TNKS: variants seen among roughly 807,000 people sequenced by gnomAD.
TNKS encodes poly [ADP-ribose] polymerase tankyrase-1.
A neutral mutation model predicts 135.8 loss-of-function variants in TNKS; 72 were observed. That is an observed-to-expected ratio of 0.53 (90% CI 0.44 to 0.64). The LOEUF (loss-of-function observed/expected upper bound fraction) is 0.64. Among genes scored for constraint, TNKS ranks in the 30% least tolerant of loss-of-function variants. TNKS has a pLI of 0.00. For synonymous variants in TNKS, 849 were observed against 649.3 expected, an observed-to-expected ratio of 1.31 and a Z score of -4.68; for missense variants, 1,769 against 1,674.0, an observed-to-expected ratio of 1.06 and a Z score of -0.99.
intron 5 of TNKS, among the ~76,000 whole-genome samples, chr8:9,702,588 G>C (rs942776035): frequency 5.9e-5 from 9 of 152,214 alleles, no homozygotes; most frequent in African/African-American, 1.7e-4. Context: ...TAAAATGAGA[G>C]TGAAGAGTCC....
At position 9,776,781 on chromosome 8, in the gene TNKS, T is replaced by G; in HGVS notation, c.*45T>G. The G allele has an allele frequency of 6.4e-7, 1 of 1,555,496 alleles. No individual in the cohort carries two copies. The highest frequency in any genetic ancestry group is 2.2e-5 in the East Asian group (1 of 44,590). Reference sequence around the variant, plus strand: ...GCCAGATCAGATTTCAACCTGGGACTGGATTACAGAGGATTGTTTCTAATA... The same window carrying G: ...GCCAGATCAGATTTCAACCTGGGACGGGATTACAGAGGATTGTTTCTAATA... On this transcript the variant is annotated 3_prime_UTR_variant, in exon 27 of 27. Transcript: ENST00000310430.
At position 9,632,692 on chromosome 8, in the gene TNKS, C is replaced by A. The variant is rs576722781; in HGVS notation, c.994+17015C>A. ...TGAAACATTTGCTTGTTTTCTTTTACTTCTTTTACTTTTGGTTTAATGATG... is the reference window on the plus strand; with the variant it reads ...TGAAACATTTGCTTGTTTTCTTTTAATTCTTTTACTTTTGGTTTAATGATG... On this transcript the variant is annotated intron_variant, in intron 3 of 26. Transcript: ENST00000310430. Among the ~76,000 whole-genome samples, 2 of 152,202 alleles carry A rather than the reference C, an allele frequency of 1.3e-5. 1 individual carries two copies. The highest frequency in any genetic ancestry group is 3.9e-4 in the East Asian group (2 of 5,170).
chr8:9,769,675 A>T (rs1232360580), intron 25 of TNKS, among the ~76,000 whole-genome samples: 1 of 126,196 alleles, frequency 7.9e-6, no homozygotes, highest in African/African-American at 3.1e-5. Context: ...CCTGGAGTGC[A>T]GTGGCGCGAT....
At chr8:9,733,590 A>G (rs1359129051) in intron 15 of TNKS, 146 bp downstream of exon 15, 1 of 671,854 alleles carries the variant, frequency 1.5e-6, no homozygotes, top group Non-Finnish European at 2.5e-6. Flanking sequence ...AAGACCGTTT[A>G]TGTGATATGA....
chr8:9,753,000 C>G (rs1585418967), intron 20 of TNKS, among the ~76,000 whole-genome samples: 1 of 151,782 alleles, frequency 6.6e-6, no homozygotes, highest in Non-Finnish European at 1.5e-5. Flanking sequence ...TATTAATTGC[C>G]ACCCACCTCT....
intron 3 of TNKS, among the ~76,000 whole-genome samples, chr8:9,617,896 T>C (rs938258364): frequency 3.9e-5 from 6 of 152,204 alleles, no homozygotes; most frequent in African/African-American, 1.4e-4. Flanking sequence ...CGTTTTATGT[T>C]ATTACTTTTG....
chr8:9,730,817 T>C, intron 13 of TNKS, 73 bp from the exon 14 acceptor site: 1 of 1,516,560 alleles, frequency 6.6e-7, no homozygotes, highest in African/African-American at 1.4e-5. Flanking sequence ...GATGTTGAAC[T>C]ATTTTGGGGC....
chr8:9,570,270 GTC>G (rs1797707445), intron 1 of TNKS, among the ~76,000 whole-genome samples: 1 of 152,040 alleles, frequency 6.6e-6, no homozygotes, highest in Non-Finnish European at 1.5e-5. Flanking sequence ...CGAGATCCCT[GTC>G]TCTACAAAAA....
At position 9,765,259 on chromosome 8, in the gene TNKS, G is replaced by A. The variant is rs916007846; in HGVS notation, c.3448-433G>A. Among the ~76,000 whole-genome samples, 16 of 152,142 alleles carry A rather than the reference G, an allele frequency of 1.1e-4. No individual in the cohort carries two copies. The East Asian group carries it at 2.9e-3, about 28-fold the overall frequency. Reference sequence around the variant, plus strand: ...TTTTACAAAGGGGTATCATAAAGATGAATAAAACCTGTAGAGAACTGGTTT... The same window carrying A: ...TTTTACAAAGGGGTATCATAAAGATAAATAAAACCTGTAGAGAACTGGTTT... On this transcript the variant is annotated intron_variant, in intron 23 of 26. Transcript: ENST00000310430.
intron 2 of TNKS, among the ~76,000 whole-genome samples, chr8:9,589,709 G>A (rs918483869): frequency 3.3e-5 from 5 of 152,250 alleles, no homozygotes; most frequent in Admixed American, 6.5e-5. Context: ...TTGATATAGC[G>A]GGGCTGGGAG....
intron 3 of TNKS, among the ~76,000 whole-genome samples, chr8:9,622,413 G>A (rs932779414): frequency 6.6e-6 from 1 of 152,134 alleles, no homozygotes; most frequent in Admixed American, 6.5e-5. Flanking sequence ...TATTTCAAGG[G>A]CGCTGAATCC....
intron 20 of TNKS, among the ~76,000 whole-genome samples, chr8:9,755,966 C>T (rs1806812794): frequency 6.6e-6 from 1 of 152,200 alleles, no homozygotes; most frequent in African/African-American, 2.4e-5. Context: ...AGTATCCTTT[C>T]TAGTTAATGA....
intron 5 of TNKS, among the ~76,000 whole-genome samples, chr8:9,702,988 C>A (rs1803882436): frequency 6.6e-6 from 1 of 152,100 alleles, no homozygotes. Flanking sequence ...TGCACTCCAG[C>A]CTGGGCAACA....
intron 20 of TNKS, among the ~76,000 whole-genome samples, chr8:9,757,496 T>C (rs1806901620): frequency 6.6e-6 from 1 of 152,138 alleles, no homozygotes; most frequent in Admixed American, 6.6e-5. Context: ...CTTCCCTCCT[T>C]CCCCTGACTG....
At chr8:9,597,647 C>T (rs1477875420) in intron 2 of TNKS, among the ~76,000 whole-genome samples, 1 of 152,120 alleles carries the variant, frequency 6.6e-6, no homozygotes, top group African/African-American at 2.4e-5. Context: ...TCGTGGTTTG[C>T]TGTAACCAAA....
In TNKS at chr8:9,730,977, G is replaced by A. The variant is rs1043487769; in HGVS notation, c.2089G>A (p.Val697Met). 4.3e-6 allele frequency: 7 copies of A among 1,614,014 alleles called. No individual in the cohort carries two copies. The highest frequency in any genetic ancestry group is 2.2e-5 in the East Asian group (1 of 44,880). ...ACACTTCGCAGCAGGCTACAACCGCGTGTCTGTTGTAGAGTACCTGCTACA... is the reference window on the plus strand; with the variant it reads ...ACACTTCGCAGCAGGCTACAACCGCATGTCTGTTGTAGAGTACCTGCTACA... ...PLHFAAGYNR[V>M]SVVEYLLHHG... The change falls in exon 14 of 27, where the codon GTG (valine) becomes ATG (methionine). Residue 697 changes from valine (V) to methionine (M), a missense_variant. Around this residue, in one of 5 missense-constraint regions of TNKS, gnomAD observed 69 missense variants for 120.3 expected, o/e 0.57. Transcript: ENST00000310430.
intron 12 of TNKS, among the ~76,000 whole-genome samples, chr8:9,726,303 T>C (rs958993310): frequency 5.9e-5 from 9 of 152,068 alleles, no homozygotes; most frequent in Non-Finnish European, 1.2e-4. Context: ...GTGGGGAGGA[T>C]TGCTTGATCC....
At chr8:9,679,690 G>A (rs1802690833) in intron 3 of TNKS, 3 of 407,192 alleles carry the variant, frequency 7.4e-6, no homozygotes, top group South Asian at 8.1e-5. Context: ...TTCTGGACAC[G>A]AGATTTAGCA....
chr8:9,647,943 T>A (rs2128779692), intron 3 of TNKS, among the ~76,000 whole-genome samples: 1 of 152,320 alleles, frequency 6.6e-6, no homozygotes, highest in Admixed American at 6.5e-5. Flanking sequence ...TACAGCATGT[T>A]ACTCCACTGA....
Sources: allele counts gnomAD v4.1 joint callset (sites outside exome capture counted in the v4.1 genomes callset), GRCh38; gene constraint gnomAD v4.1.1; regional missense constraint gnomAD v4.1.1; transcripts MANE v1.5; gene names NCBI Gene and HGNC (gene_info 2026-07-23, HGNC 2026-07-21).